KIAA0513: variants seen among roughly 807,000 people sequenced by gnomAD.
The protein encoded by KIAA0513 is KIAA0513.
In KIAA0513, 39 loss-of-function variants were observed where a neutral mutation model predicts 56.5. That is an observed-to-expected ratio of 0.69 (90% CI 0.53 to 0.90). KIAA0513 has a LOEUF of 0.90. Ranked by LOEUF, KIAA0513 falls within the 40% of genes least tolerant of loss-of-function variation. The pLI, the probability that KIAA0513 is intolerant of heterozygous loss-of-function variation, is 0.00. For synonymous variants in KIAA0513, 268 were observed against 215.6 expected (o/e 1.24, Z -2.13); for missense variants, 591 against 535.2 (o/e 1.10, Z -1.03).
intron 10 of KIAA0513, among the ~76,000 whole-genome samples, chr16:85,084,815 G>A (rs555732460): frequency 4.0e-5 from 6 of 150,384 alleles, no homozygotes; most frequent in Non-Finnish European, 7.4e-5. Flanking sequence ...TGACCGCCTC[G>A]GCCTCCCAAA....
intron 4 of KIAA0513, among the ~76,000 whole-genome samples, chr16:85,073,406 A>T (rs2073608414): frequency 6.6e-6 from 1 of 152,216 alleles, no homozygotes; most frequent in Admixed American, 6.5e-5. Context: ...GGAGGACTGT[A>T]GCTTTCCCTG....
Position 85,086,580 on chromosome 16 carries a change from G to T in KIAA0513, c.1011-64G>T. 2.0e-6 allele frequency: 3 copies of T among 1,504,522 alleles called. No individual in the cohort carries two copies. In the South Asian group the frequency reaches 3.5e-5, roughly 18 times the overall value. The allele number at this position is 1,504,522 out of a possible 1,614,324, so 93.2% of individuals were successfully genotyped here. The stretch of plus-strand genomic sequence containing the variant: ...GCCAGCACCTGCGGGTCAGAACAGG[G>T]CGAGGAGCTGGGGCAAGGACAGCAC... On this transcript the variant is annotated intron_variant, in intron 10 of 12. Coordinates refer to ENST00000683363, the MANE Select transcript of KIAA0513 (RefSeq NM_001388359.1).
Position 85,089,797 on chromosome 16 carries a change from G to A in KIAA0513, c.*1472G>A, listed in dbSNP as rs2144121398. ...GTTTCCCTCCGGGGAATGCCTCCCTGGAATGTTCCAGAGACGGAACATTCT... is the reference window on the plus strand; with the variant it reads ...GTTTCCCTCCGGGGAATGCCTCCCTAGAATGTTCCAGAGACGGAACATTCT... On this transcript the variant is annotated 3_prime_UTR_variant, in exon 13 of 13. Coordinates refer to ENST00000683363, the MANE Select transcript of KIAA0513 (RefSeq NM_001388359.1). The surrounding 1 kb of genome is among the most constrained non-coding windows in gnomAD (Gnocchi z 4.2). 1 of 152,228 alleles carries A rather than the reference G, an allele frequency of 6.6e-6. No individual in the cohort carries two copies. Among genetic ancestry groups the A allele is most frequent in the South Asian group, 2.1e-4 (1 of 4,826 alleles). 9.4% of individuals were successfully genotyped at this position (152,228 alleles called of 1,614,324 possible).
chr16:85,073,004 T>G lies in KIAA0513; in HGVS notation c.503+6T>G. 1.2e-6 allele frequency: 2 copies of G among 1,612,598 alleles called. No homozygotes were observed. Among genetic ancestry groups the G allele is most frequent in the Non-Finnish European group, 1.7e-6 (2 of 1,178,792 alleles). On this transcript the variant is annotated splice_donor_region_variant and intron_variant, in intron 4 of 12. Coordinates refer to ENST00000683363, the MANE Select transcript of KIAA0513 (RefSeq NM_001388359.1). ...TTTGCAGTGGTGCTGTTCGAGTAAG[T>G]AATGCCGTGGCACAAAGCCTTTGTC...
chr16:85,067,406 G>C lies in KIAA0513; in HGVS notation c.329+6G>C, dbSNP rs1182850041. On this transcript the variant is annotated splice_donor_region_variant and intron_variant, in intron 2 of 12. Transcript: ENST00000683363. ...GAGAAGATCTTCTCTGGAGGGTAAG[G>C]GGCCTGTGTGGACGAGACAGCCTGG... The C allele has an allele frequency of 6.3e-7, 1 of 1,590,678 alleles. No individual in the cohort carries two copies. Among genetic ancestry groups the C allele is most frequent in the Non-Finnish European group, 8.5e-7 (1 of 1,174,218 alleles).
intron 1 of KIAA0513, among the ~76,000 whole-genome samples, chr16:85,055,648 C>T (rs2073317992): frequency 6.6e-6 from 1 of 152,162 alleles, no homozygotes; most frequent in Non-Finnish European, 1.5e-5. Flanking sequence ...TGTTGGTAGC[C>T]TCTTTCTAGA....
intron 3 of KIAA0513, among the ~76,000 whole-genome samples, chr16:85,072,115 G>T (rs2073585768): frequency 6.6e-6 from 1 of 152,162 alleles, no homozygotes; most frequent in Admixed American, 6.5e-5. Context: ...CAGTTTGGGA[G>T]GCCGAGGTGG....
intron 8 of KIAA0513, 72 bp downstream of exon 8, chr16:85,079,075 C>G: frequency 6.2e-7 from 1 of 1,611,440 alleles, no homozygotes; most frequent in Non-Finnish European, 8.5e-7. Context: ...GGGATCACTT[C>G]TAGCTGCCTT....
intron 1 of KIAA0513, among the ~76,000 whole-genome samples, chr16:85,060,054 G>C (rs62049883): frequency 6.6e-6 from 1 of 152,052 alleles, no homozygotes. Context: ...TCCGCTTCCC[G>C]GGCTCAAGCG....
At position 85,077,588 on chromosome 16, in the gene KIAA0513, G is replaced by C. The variant is rs565018627; in HGVS notation, c.738G>C (p.Gly246=). 1 of 1,614,018 alleles carries C rather than the reference G, an allele frequency of 6.2e-7. No homozygotes were observed. The highest frequency in any genetic ancestry group is 1.1e-5 in the South Asian group (1 of 91,078). The change falls in exon 6 of 13, where the codon GGG becomes GGC. Residue 246 remains glycine (G), a synonymous_variant. Coordinates refer to ENST00000683363, the MANE Select transcript of KIAA0513 (RefSeq NM_001388359.1). ...ARTENVKGFF[G]GLETKLKGPL... is the part of the protein sequence containing the mutation. ...CTGAGAATGTCAAGGGCTTCTTCGG[G>C]GGGCTGGAGACCAAGCTGAAGGGGC...
chr16:85,065,878 C>G (rs1212227985), intron 1 of KIAA0513, among the ~76,000 whole-genome samples: 2 of 152,192 alleles, frequency 1.3e-5, no homozygotes, highest in Non-Finnish European at 1.5e-5. Flanking sequence ...CAGATCCCAG[C>G]TCTGCCACCC....
At chr16:85,084,653 T>C (rs2073788533) in intron 10 of KIAA0513, among the ~76,000 whole-genome samples, 1 of 152,188 alleles carries the variant, frequency 6.6e-6, no homozygotes, top group South Asian at 2.1e-4. Flanking sequence ...GGCCTCAAAC[T>C]CCTGACCTCA....
chr16:85,078,298 C>G, intron 6 of KIAA0513, 117 bp from the exon 7 acceptor site: 1 of 1,061,734 alleles, frequency 9.4e-7, no homozygotes, highest in Non-Finnish European at 1.4e-6. Context: ...AAAGGCTTTT[C>G]AGAGCAAGCC....
chr16:85,046,458 C>T (rs1165070211), intron 1 of KIAA0513, among the ~76,000 whole-genome samples: 1 of 152,234 alleles, frequency 6.6e-6, no homozygotes, highest in African/African-American at 2.4e-5. Flanking sequence ...CAAGCGTCAG[C>T]CCAGCGGAGG....
chr16:85,043,982 A>C (rs920877129), intron 1 of KIAA0513, among the ~76,000 whole-genome samples: 1 of 152,140 alleles, frequency 6.6e-6, no homozygotes, highest in African/African-American at 2.4e-5. Flanking sequence ...GTGAGTGGAG[A>C]TTGCGCCAGT....
intron 2 of KIAA0513, among the ~76,000 whole-genome samples, chr16:85,069,760 T>G (rs2073544390): frequency 6.6e-6 from 1 of 152,120 alleles, no homozygotes; most frequent in South Asian, 2.1e-4. Flanking sequence ...GAGCCCTGCC[T>G]GGCCCCACTG....
chr16:85,033,569 A>G (rs1241161235), intron 1 of KIAA0513, among the ~76,000 whole-genome samples: 1 of 152,094 alleles, frequency 6.6e-6, no homozygotes, highest in African/African-American at 2.4e-5. Context: ...GCTGTTCACG[A>G]AGGCCTCCAG....
chr16:85,034,605 GA>G (rs928295751), intron 1 of KIAA0513, among the ~76,000 whole-genome samples: 10 of 152,306 alleles, frequency 6.6e-5, no homozygotes, highest in African/African-American at 2.4e-4. Context: ...TCACCGGAAG[GA>G]AGGCGATGGG....
intron 10 of KIAA0513, 37 bp from the exon 11 acceptor site, chr16:85,086,607 A>G (rs374370944): frequency 2.5e-6 from 4 of 1,595,376 alleles, no homozygotes; most frequent in East Asian, 2.3e-5. Context: ...GGACAGCACC[A>G]TCTGAGCCCC....
Sources: allele counts gnomAD v4.1 joint callset (sites outside exome capture counted in the v4.1 genomes callset), GRCh38; gene constraint gnomAD v4.1.1; non-coding constraint Gnocchi (gnomAD v3.1); transcripts MANE v1.5; gene names NCBI Gene and HGNC (gene_info 2026-07-23, HGNC 2026-07-21).